The following NRG1 variants were observed in gnomAD, a reference collection of about 807,000 sequenced individuals.
NRG1 encodes the protein pro-neuregulin-1, membrane-bound isoform.
NRG1 carries 18 observed loss-of-function variants against 63.8 expected under a neutral mutation model. That is an observed-to-expected ratio of 0.28 (90% confidence interval 0.19 to 0.42). The LOEUF is 0.42. Among genes scored for constraint, NRG1 ranks in the 10% least tolerant of loss-of-function variants. The probability of loss-of-function intolerance (pLI) is 1.00; values close to 1 mark genes in which losing one functional copy is unlikely to be tolerated. For missense variants in NRG1, 762 were observed against 814.7 expected (o/e 0.94, Z 0.79); for synonymous variants, 302 against 301.3 (o/e 1.00, Z -0.02).
At chr8:32,385,179 C>T (rs981623043) in intron 1 of NRG1, among the ~76,000 whole-genome samples, 41 of 152,148 alleles carry the variant, frequency 2.7e-4, no homozygotes, top group African/African-American at 9.4e-4. Flanking sequence ...GTCACCATGC[C>T]CGGCTAATTT....
chr8:32,410,911 C>G (rs1814834120), intron 1 of NRG1, among the ~76,000 whole-genome samples: 1 of 148,230 alleles, frequency 6.7e-6, no homozygotes. Flanking sequence ...GAGCCTTGCT[C>G]TGTTGCCAGG....
At chr8:32,320,541 AAGCAAG>A (rs1801263013) in intron 1 of NRG1, among the ~76,000 whole-genome samples, 1 of 152,198 alleles carries the variant, frequency 6.6e-6, no homozygotes, top group African/African-American at 2.4e-5. Context: ...CAAATGACTG[AAGCAAG>A]AGGAAGAGAG....
At chr8:32,112,117 C>G (rs185114254) in intron 1 of NRG1, among the ~76,000 whole-genome samples, 1 of 152,276 alleles carries the variant, frequency 6.6e-6, no homozygotes, top group Admixed American at 6.5e-5. Context: ...AAAAGCAATG[C>G]TCACAAGACA....
intron 1 of NRG1, among the ~76,000 whole-genome samples, chr8:32,463,569 G>A (rs1457327055): frequency 6.6e-6 from 1 of 152,124 alleles, no homozygotes; most frequent in Non-Finnish European, 1.5e-5. Context: ...CTGACTGGGT[G>A]CAGTGGCTTA....
At chr8:31,783,603 C>CAAAAAAA (rs772436543) in intron 1 of NRG1, among the ~76,000 whole-genome samples, 2 of 110,582 alleles carry the variant, frequency 1.8e-5, no homozygotes, top group Non-Finnish European at 1.9e-5. Context: ...TGTTTTCAGG[C>CAAAAAAA]AAAAAAAAAA....
intron 1 of NRG1, among the ~76,000 whole-genome samples, chr8:31,897,249 A>G (rs1563539323): frequency 6.6e-6 from 1 of 152,150 alleles, no homozygotes; most frequent in African/African-American, 2.4e-5. Flanking sequence ...ACATGCCTCA[A>G]TATTCCCTCC....
chr8:31,860,142 G>A (rs1828336471), intron 1 of NRG1, among the ~76,000 whole-genome samples: 1 of 152,194 alleles, frequency 6.6e-6, no homozygotes, highest in Admixed American at 6.5e-5. Flanking sequence ...ATATAGGTTT[G>A]CAAAACTGAG....
intron 1 of NRG1, among the ~76,000 whole-genome samples, chr8:31,742,481 T>TTTTA (rs1815391455): frequency 7.4e-6 from 1 of 134,280 alleles, no homozygotes; most frequent in Non-Finnish European, 1.6e-5. Flanking sequence ...TTTTTTTTTT[T>TTTTA]AACGAAAGCT....
chr8:32,505,579 G>A (rs1828415547), intron 1 of NRG1, among the ~76,000 whole-genome samples: 1 of 152,172 alleles, frequency 6.6e-6, no homozygotes, highest in African/African-American at 2.4e-5. Context: ...AGAAGACTCT[G>A]CCCTCATGAT....
chr8:31,813,592 G>A (rs941719697), intron 1 of NRG1, among the ~76,000 whole-genome samples: 9 of 148,028 alleles, frequency 6.1e-5, no homozygotes, highest in Non-Finnish European at 1.2e-4. Context: ...CACAATCATG[G>A]CTTACTGCAA....
intron 1 of NRG1, among the ~76,000 whole-genome samples, chr8:31,707,232 T>C (rs1179985270): frequency 6.6e-6 from 1 of 152,130 alleles, no homozygotes; most frequent in Non-Finnish European, 1.5e-5. Flanking sequence ...TTATTTTTTC[T>C]TTATATGACT....
chr8:32,235,932 T>A (rs922277767), intron 1 of NRG1, among the ~76,000 whole-genome samples: 2 of 152,182 alleles, frequency 1.3e-5, no homozygotes, highest in Non-Finnish European at 1.5e-5. Flanking sequence ...CAAATTAATG[T>A]TTGATGACCG....
intron 2 of NRG1, among the ~76,000 whole-genome samples, chr8:32,600,595 A>T (rs979245960): frequency 1.3e-5 from 2 of 152,156 alleles, no homozygotes; most frequent in African/African-American, 4.8e-5. Context: ...AATATTCAGA[A>T]CTTTTTATCT....
intron 1 of NRG1, among the ~76,000 whole-genome samples, chr8:31,799,318 G>T (rs544925489): frequency 1.3e-5 from 2 of 152,234 alleles, no homozygotes; most frequent in South Asian, 4.1e-4. Context: ...CTATATTAAT[G>T]ATCAGTTTTA....
At chr8:32,453,209 G>T (rs181762845) in intron 1 of NRG1, among the ~76,000 whole-genome samples, 69 of 152,016 alleles carry the variant, frequency 4.5e-4, no homozygotes, top group African/African-American at 1.6e-3. Context: ...TGACACTTTT[G>T]CCTTAGGAAA....
chr8:32,307,421 C>G (rs1206600637), intron 1 of NRG1, among the ~76,000 whole-genome samples: 1 of 144,536 alleles, frequency 6.9e-6, no homozygotes, highest in Non-Finnish European at 1.5e-5. Flanking sequence ...TCCCAAATAC[C>G]GAATAGTCAT....
chr8:32,003,928 A>G (rs1813336627), intron 1 of NRG1, among the ~76,000 whole-genome samples: 1 of 151,882 alleles, frequency 6.6e-6, no homozygotes, highest in Non-Finnish European at 1.5e-5. Context: ...ATATTTTATT[A>G]AAATATAAAA....
At chr8:32,415,826 CTA>C (rs1815828014) in intron 1 of NRG1, among the ~76,000 whole-genome samples, 2 of 152,138 alleles carry the variant, frequency 1.3e-5, no homozygotes, top group Non-Finnish European at 2.9e-5. Flanking sequence ...AGTTTTCACC[CTA>C]TTGAAAATCA....
rs560436983 is a variant in NRG1 at position 32,289,435 on chromosome 8, T to TA, written c.38-306381dup. ...ACAAATGAGGGCAGTGTTAACGTAT[T>TA]AAAAAAAAAAAACTAGTCAGAGATT... On this transcript the variant is annotated intron_variant, in intron 1 of 10. Coordinates refer to the NRG1 transcript ENST00000519301. Among the ~76,000 whole-genome samples, 1,382 of 145,284 alleles carry TA rather than the reference T, an allele frequency of 9.5e-3. 13 individuals carry two copies. Among genetic ancestry groups the TA allele is most frequent in the African/African-American group, 0.026 (1,029 of 40,174 alleles).
Sources: gnomAD v4.1 joint callset for allele counts (sites outside exome capture counted in the v4.1 genomes callset) on GRCh38, gnomAD v4.1.1 for gene constraint, MANE v1.5 for transcripts, NCBI Gene and HGNC (gene_info 2026-07-23, HGNC 2026-07-21) for gene names.